Variants in MAST4 observed in about 807,000 individuals in gnomAD.
MAST4 encodes microtubule-associated serine/threonine-protein kinase 4.
MAST4 carries 89 observed loss-of-function variants against 162.7 expected under a neutral mutation model. That is an observed-to-expected ratio of 0.55 (90% CI 0.46 to 0.65). The LOEUF is 0.65. MAST4 is among the 30% of genes least tolerant of loss of function. The pLI, the probability that MAST4 is intolerant of heterozygous loss-of-function variation, is 0.00. For synonymous variants in MAST4, 1,479 were observed against 1,361.1 expected (o/e 1.09, Z -1.91); for missense variants, 3,153 against 3,374.0 (o/e 0.93, Z 1.62).
At chr5:66,732,501 C>A (rs1751914622) in intron 1 of MAST4, among the ~76,000 whole-genome samples, 1 of 152,236 alleles carries the variant, frequency 6.6e-6, no homozygotes, top group Admixed American at 6.5e-5. Context: ...ACTTTGGACA[C>A]ACCTCTCTCC....
chr5:66,833,821 A>G (rs1757773885), intron 3 of MAST4, among the ~76,000 whole-genome samples: 1 of 152,218 alleles, frequency 6.6e-6, no homozygotes, highest in African/African-American at 2.4e-5. Context: ...ATGTAGGAGT[A>G]TGTTACACTG....
chr5:66,790,591 C>T (rs187991934), intron 3 of MAST4, among the ~76,000 whole-genome samples: 3 of 152,192 alleles, frequency 2.0e-5, no homozygotes, highest in Admixed American at 6.5e-5. Flanking sequence ...TTTGCCCAGG[C>T]TGGAATACAG....
chr5:66,850,477 G>A (rs1759224786), intron 3 of MAST4, among the ~76,000 whole-genome samples: 1 of 152,118 alleles, frequency 6.6e-6, no homozygotes, highest in Admixed American at 6.6e-5. Flanking sequence ...CTGAAAATCT[G>A]AAATTTGAAA....
intron 15 of MAST4, among the ~76,000 whole-genome samples, chr5:67,131,067 A>G (rs978157194): frequency 1.3e-5 from 2 of 152,316 alleles, no homozygotes; most frequent in South Asian, 2.1e-4. Flanking sequence ...TCCCAAAACT[A>G]TAAAACTCAA....
intron 3 of MAST4, among the ~76,000 whole-genome samples, chr5:66,855,650 T>C (rs1404344336): frequency 6.6e-6 from 1 of 152,180 alleles, no homozygotes; most frequent in Non-Finnish European, 1.5e-5. Context: ...GTCATTTGAC[T>C]GACACCTCCT....
At chr5:66,721,514 T>C (rs1270067077) in intron 1 of MAST4, among the ~76,000 whole-genome samples, 4 of 148,912 alleles carry the variant, frequency 2.7e-5, no homozygotes, top group African/African-American at 1.0e-4. Context: ...CTTCTCACTC[T>C]CCTTTGCTGG....
chr5:66,930,960 T>G, intron 4 of MAST4: 1 of 252,356 alleles, frequency 4.0e-6, no homozygotes. Context: ...TTGTAAAGCT[T>G]CTTTATCTGT....
chr5:67,165,918 C>G lies in MAST4; in HGVS notation c.6739C>G (p.Pro2247Ala). 1 of 1,613,352 alleles carries G rather than the reference C, an allele frequency of 6.2e-7. No homozygotes were observed. The highest frequency in any genetic ancestry group is 1.1e-5 in the South Asian group (1 of 91,082). Residue 2247 changes from proline to alanine, a missense_variant, in exon 29 of 29, where the codon CCG (proline) becomes GCG (alanine). Physicochemically the swap from Pro to Ala is conservative, Grantham distance 27. Transcript: ENST00000403625. ...GGGGAAGGGCCACAGTAAGAGTGGG[C>G]CGGATGTGTTTCCTGCTACCCCAGG... ...REGKGHSKSG[P>A]DVFPATPGSQ...
chr5:66,813,496 C>G (rs777321322), intron 3 of MAST4, among the ~76,000 whole-genome samples: 7 of 152,200 alleles, frequency 4.6e-5, no homozygotes, highest in Non-Finnish European at 7.3e-5. Flanking sequence ...TCCAGCTGTT[C>G]AGTTGCCTTT....
At chr5:66,999,692 T>A (rs964633360) in intron 4 of MAST4, among the ~76,000 whole-genome samples, 35 of 151,462 alleles carry the variant, frequency 2.3e-4, no homozygotes, top group Middle Eastern at 6.9e-3. Context: ...TTGTTTTGGG[T>A]TTTTTTTTTC....
chr5:66,756,585 C>T (rs924415442), intron 1 of MAST4, among the ~76,000 whole-genome samples: 2 of 152,234 alleles, frequency 1.3e-5, no homozygotes, highest in Non-Finnish European at 2.9e-5. Context: ...TCCAAAGTGA[C>T]ATGTTTGATG....
chr5:66,869,201 G>T (rs931814102), intron 3 of MAST4, among the ~76,000 whole-genome samples: 2 of 152,082 alleles, frequency 1.3e-5, no homozygotes, highest in African/African-American at 4.8e-5. Flanking sequence ...CTTTTAGGGG[G>T]AAAAAAGGTT....
chr5:66,635,396 C>T (rs1475296629), intron 1 of MAST4, among the ~76,000 whole-genome samples: 9 of 152,162 alleles, frequency 5.9e-5, no homozygotes, highest in African/African-American at 9.7e-5. Flanking sequence ...TGGCTCGTCA[C>T]GCTAATGACT....
intron 3 of MAST4, among the ~76,000 whole-genome samples, chr5:66,888,326 A>G (rs144618067): frequency 2.7e-4 from 41 of 152,348 alleles, no homozygotes; most frequent in Non-Finnish European, 5.0e-4. Context: ...AATGGCCAGA[A>G]GAAAGTAGAC....
chr5:66,846,604 T>C (rs536558251), intron 3 of MAST4, among the ~76,000 whole-genome samples: 1 of 152,296 alleles, frequency 6.6e-6, no homozygotes, highest in South Asian at 2.1e-4. Flanking sequence ...TTATAAAGTA[T>C]GTAATTCTAT....
chr5:67,034,341 C>T (rs973699845), intron 4 of MAST4, among the ~76,000 whole-genome samples: 7 of 152,082 alleles, frequency 4.6e-5, no homozygotes, highest in East Asian at 1.9e-4. Flanking sequence ...AGGAAATGGA[C>T]GGGATCCATG....
At chr5:67,052,861 G>A (rs1391004053) in intron 4 of MAST4, among the ~76,000 whole-genome samples, 1 of 152,094 alleles carries the variant, frequency 6.6e-6, no homozygotes, top group Non-Finnish European at 1.5e-5. Context: ...ACATCAGCAA[G>A]TTAATATATT....
At chr5:66,858,715 A>G (rs1286722582) in intron 3 of MAST4, among the ~76,000 whole-genome samples, 1 of 152,194 alleles carries the variant, frequency 6.6e-6, no homozygotes, top group African/African-American at 2.4e-5. Context: ...AAACATATCT[A>G]CTTATAATTT....
chr5:67,062,130 G>T (rs569785245), intron 5 of MAST4, among the ~76,000 whole-genome samples: 1 of 152,132 alleles, frequency 6.6e-6, no homozygotes, highest in Non-Finnish European at 1.5e-5. Flanking sequence ...GGCTGGGCGC[G>T]GTGGCTCACG....
Sources: allele counts gnomAD v4.1 joint callset (sites outside exome capture counted in the v4.1 genomes callset), GRCh38; gene constraint gnomAD v4.1.1; transcripts MANE v1.5; gene names NCBI Gene and HGNC (gene_info 2026-07-23, HGNC 2026-07-21).